The following CSMD3 variants were observed in gnomAD, a reference collection of about 807,000 sequenced individuals.
CSMD3 encodes the protein CUB and Sushi multiple domains 3.
CSMD3 carries 177 observed loss-of-function variants against 435.2 expected under a neutral mutation model. The ratio of observed to expected loss-of-function variants is 0.41; its 90% CI spans 0.36 to 0.46. CSMD3 has a LOEUF of 0.46. CSMD3 is among the 20% of genes least tolerant of loss of function. The probability of loss-of-function intolerance (pLI) is 0.34; values close to 1 mark genes in which losing one functional copy is unlikely to be tolerated. For missense variants in CSMD3, 4,265 were observed against 4,504.6 expected (o/e 0.95, Z 1.52); for synonymous variants, 1,656 against 1,520.5 (o/e 1.09, Z -2.07).
chr8:113,055,734 T>A (rs540563873), intron 5 of CSMD3, among the ~76,000 whole-genome samples: 1 of 152,268 alleles, frequency 6.6e-6, no homozygotes, highest in South Asian at 2.1e-4. Context: ...GGAAGATTGG[T>A]TGATTTTTCA....
At chr8:113,257,725 G>T (rs1057372779) in intron 3 of CSMD3, among the ~76,000 whole-genome samples, 1 of 152,148 alleles carries the variant, frequency 6.6e-6, no homozygotes, top group African/African-American at 2.4e-5. Flanking sequence ...TTTCTGCAAT[G>T]AGTCAGCTAA....
At position 112,637,083 on chromosome 8, in the gene CSMD3, A is replaced by G; in HGVS notation, c.3527-78T>C. The G allele has an allele frequency of 3.4e-6, 4 of 1,161,570 alleles. No individual in the cohort carries two copies. The South Asian group carries it at 4.9e-5, about 14-fold the overall frequency. The allele number at this position is 1,161,570 out of a possible 1,614,324, so 72.0% of individuals were successfully genotyped here. A position where few individuals can be genotyped will look rare whatever the true frequency, so the allele number is the denominator to read the frequency against. ...TGATAGTGGTTACTTTTAAAGGTAT[A>G]TTCCTATTGTTTTTAGAACCTAGTC... On this transcript the variant is annotated intron_variant, in intron 21 of 70. Coordinates refer to ENST00000297405, the MANE Select transcript of CSMD3 (RefSeq NM_198123.2).
chr8:112,874,220 T>C (rs1462860387), intron 10 of CSMD3, among the ~76,000 whole-genome samples: 2 of 152,218 alleles, frequency 1.3e-5, no homozygotes, highest in Non-Finnish European at 2.9e-5. Flanking sequence ...TGTGCAGTTT[T>C]GAGTGAGTTT....
In CSMD3 at chr8:112,984,994, T is replaced by TGATAGATAGATAGATAGATA. The variant is rs71309797; in HGVS notation, c.1031-8866_1031-8847dup. 7.7e-4 allele frequency among the ~76,000 whole-genome samples: 115 copies of TGATAGATAGATAGATAGATA among 148,420 alleles called. 1 individual carries two copies. The highest frequency in any genetic ancestry group is 1.0e-3 in the African/African-American group (42 of 40,202). ...TATACTTTAGATACATGATAGATTA[T>TGATAGATAGATAGATAGATA]GATAGATAGATAGATAGATAGATAG... is the stretch of plus-strand genomic sequence containing the variant. On this transcript the variant is annotated intron_variant, in intron 6 of 70. Transcript: ENST00000297405.
At chr8:112,449,988 T>G (rs959134550) in intron 32 of CSMD3, among the ~76,000 whole-genome samples, 2 of 152,172 alleles carry the variant, frequency 1.3e-5, no homozygotes, top group African/African-American at 4.8e-5. Context: ...ACTCCCAAAG[T>G]TCTGGGATTA....
At chr8:113,436,528 A>AG (rs944846203) in intron 1 of CSMD3, 149 bp downstream of exon 1, 202 of 810,646 alleles carry the variant, frequency 2.5e-4, no homozygotes, top group Middle Eastern at 3.4e-4. Context: ...TTCCTATCTG[A>AG]GGGGGGGAGA....
At chr8:112,298,917 C>T (rs977021943) in intron 53 of CSMD3, among the ~76,000 whole-genome samples, 1 of 152,024 alleles carries the variant, frequency 6.6e-6, no homozygotes, top group Non-Finnish European at 1.5e-5. Flanking sequence ...TTTACATGAG[C>T]ATGCATAGCA....
At chr8:112,497,953 T>C (rs1274908534) in intron 30 of CSMD3, among the ~76,000 whole-genome samples, 1 of 152,022 alleles carries the variant, frequency 6.6e-6, no homozygotes, top group African/African-American at 2.4e-5. Flanking sequence ...AGAAATATCA[T>C]CTGGAGTATA....
At chr8:113,234,682 C>T (rs540144197) in intron 3 of CSMD3, among the ~76,000 whole-genome samples, 2 of 152,140 alleles carry the variant, frequency 1.3e-5, no homozygotes, top group East Asian at 1.9e-4. Flanking sequence ...CTTGAAGATA[C>T]CTTATGACCA....
chr8:112,404,548 C>T (rs1052258504), intron 35 of CSMD3, among the ~76,000 whole-genome samples: 1 of 151,344 alleles, frequency 6.6e-6, no homozygotes, highest in South Asian at 2.1e-4. Flanking sequence ...ATTACATATC[C>T]TGTGAATGCA....
intron 27 of CSMD3, among the ~76,000 whole-genome samples, chr8:112,531,700 T>G (rs1042827245): frequency 6.6e-6 from 1 of 152,146 alleles, no homozygotes; most frequent in African/African-American, 2.4e-5. Flanking sequence ...CTTGGGGAAC[T>G]CAATAATAAA....
chr8:112,319,839 A>G (rs1052126830), intron 46 of CSMD3, 62 bp downstream of exon 46: 4 of 1,222,582 alleles, frequency 3.3e-6, no homozygotes, highest in Middle Eastern at 1.9e-4. Context: ...ATTTTGGCTT[A>G]TTTTTAAGCA....
intron 4 of CSMD3, among the ~76,000 whole-genome samples, chr8:113,129,810 G>T (rs1276299850): frequency 6.6e-6 from 1 of 151,980 alleles, no homozygotes; most frequent in Non-Finnish European, 1.5e-5. Context: ...GGTATCTCAG[G>T]TGATTCTGAC....
intron 3 of CSMD3, among the ~76,000 whole-genome samples, chr8:113,215,506 AATC>A (rs148176738): frequency 0.096 from 14,525 of 151,856 alleles, 890 homozygotes; most frequent in Middle Eastern, 0.17. Context: ...CCTTGGGAAA[AATC>A]ATTATCTTCT....
At chr8:112,570,341 C>G (rs554368411) in intron 24 of CSMD3, among the ~76,000 whole-genome samples, 2 of 152,068 alleles carry the variant, frequency 1.3e-5, no homozygotes, top group African/African-American at 4.8e-5. Flanking sequence ...CACATATGTT[C>G]GCAAACAAGT....
rs929190611 is a variant in CSMD3 at position 113,403,818 on chromosome 8, A to G, written c.178+32859T>C. Among the ~76,000 whole-genome samples, 3 of 151,466 alleles carry G rather than the reference A, an allele frequency of 2.0e-5. No individual in the cohort carries two copies. The South Asian group carries it at 6.2e-4, about 31-fold the overall frequency. On this transcript the variant is annotated intron_variant, in intron 1 of 70. Transcript: ENST00000297405. The stretch of plus-strand genomic sequence containing the variant: ...ATTAGAAGGCCTTTTTCAACTCTGC[A>G]TGATAGAATCACATTGGCTTCGATA...
intron 6 of CSMD3, among the ~76,000 whole-genome samples, chr8:113,003,189 G>A (rs2085930301): frequency 6.6e-6 from 1 of 152,076 alleles, no homozygotes; most frequent in South Asian, 2.1e-4. Flanking sequence ...AGGTTGCAGT[G>A]AGCCAAGATC....
At chr8:113,260,946 T>C (rs2093422096) in intron 3 of CSMD3, among the ~76,000 whole-genome samples, 1 of 152,212 alleles carries the variant, frequency 6.6e-6, no homozygotes, top group Admixed American at 6.5e-5. Context: ...GGTGTATATG[T>C]GCCACATTTT....
In CSMD3 at chr8:112,224,702, CA is replaced by C. The variant is rs1255652227; in HGVS notation, c.*68del. 6.7e-7 allele frequency: 1 copy of C among 1,485,984 alleles called. No individual in the cohort carries two copies. The highest frequency in any genetic ancestry group is 1.4e-5 in the African/African-American group (1 of 72,490). 92.0% of individuals were successfully genotyped at this position (1,485,984 alleles called of 1,614,324 possible). A position where few individuals can be genotyped will look rare whatever the true frequency, so the allele number is the denominator to read the frequency against. On this transcript the variant is annotated 3_prime_UTR_variant, in exon 71 of 71. Transcript: ENST00000297405. ...GAAAAGTGTGCTTTAATTTGTTTAG[CA>C]GTGAACTAAATGTGCACTGTTTTGT...
Sources: gnomAD v4.1 joint callset for allele counts (sites outside exome capture counted in the v4.1 genomes callset) on GRCh38, gnomAD v4.1.1 for gene constraint, MANE v1.5 for transcripts, NCBI Gene and HGNC (gene_info 2026-07-23, HGNC 2026-07-21) for gene names.